The following ADAMTSL1 variants were observed in gnomAD, a reference collection of about 807,000 sequenced individuals.
ADAMTSL1 encodes ADAMTS-like protein 1.
Under a neutral mutation model 201.8 loss-of-function variants are expected in ADAMTSL1, and 126 were observed. The observed-to-expected ratio is 0.62, with a 90% CI of 0.54 to 0.72. The LOEUF (loss-of-function observed/expected upper bound fraction) is 0.72. ADAMTSL1 is among the 30% of genes least tolerant of loss of function. The pLI is 0.00. For synonymous variants in ADAMTSL1, 1,121 were observed against 903.4 expected (o/e 1.24, Z -4.32); for missense variants, 2,679 against 2,277.8 (o/e 1.18, Z -3.59).
chr9:18,575,959 G>A (rs1822694371), intron 4 of ADAMTSL1, among the ~76,000 whole-genome samples: 1 of 152,124 alleles, frequency 6.6e-6, no homozygotes, highest in East Asian at 1.9e-4. Flanking sequence ...CCTGCCAGCA[G>A]GCCTCATGGT....
chr9:18,545,783 A>C (rs532418816), intron 3 of ADAMTSL1, among the ~76,000 whole-genome samples: 1 of 152,334 alleles, frequency 6.6e-6, no homozygotes, highest in South Asian at 2.1e-4. Flanking sequence ...ATAATTTAGA[A>C]AGAAATTACT....
intron 12 of ADAMTSL1, among the ~76,000 whole-genome samples, chr9:18,683,261 G>A (rs967300671): frequency 1.4e-5 from 2 of 140,610 alleles, no homozygotes; most frequent in African/African-American, 5.2e-5. Context: ...GTCTCACTCT[G>A]TTGCCCAGGC....
At chr9:18,003,157 A>G (rs1819682033) in intron 1 of ADAMTSL1, among the ~76,000 whole-genome samples, 1 of 151,976 alleles carries the variant, frequency 6.6e-6, no homozygotes, top group African/African-American at 2.4e-5. Context: ...GGTAGCCTCT[A>G]GACCACTAGC....
intron 1 of ADAMTSL1, among the ~76,000 whole-genome samples, chr9:17,983,565 G>C (rs1818809520): frequency 6.6e-6 from 1 of 152,116 alleles, no homozygotes; most frequent in South Asian, 2.1e-4. Flanking sequence ...CTAAAGTTTT[G>C]TTAATGTGTT....
At chr9:18,329,121 T>A (rs1425274092) in intron 2 of ADAMTSL1, among the ~76,000 whole-genome samples, 1 of 152,066 alleles carries the variant, frequency 6.6e-6, no homozygotes, top group Non-Finnish European at 1.5e-5. Flanking sequence ...ATGAATGGGA[T>A]TAGTGCCCTT....
At chr9:17,949,503 G>C (rs1017034020) in intron 1 of ADAMTSL1, among the ~76,000 whole-genome samples, 1 of 152,192 alleles carries the variant, frequency 6.6e-6, no homozygotes, top group African/African-American at 2.4e-5. Context: ...GAGAGGGCTG[G>C]CTGATTGGAG....
intron 20 of ADAMTSL1, among the ~76,000 whole-genome samples, chr9:18,808,051 T>A (rs1823275746): frequency 6.6e-6 from 1 of 152,162 alleles, no homozygotes; most frequent in African/African-American, 2.4e-5. Flanking sequence ...GCCACTAAAA[T>A]AACAGCTCCA....
At chr9:18,397,268 ATAT>A (rs1395507984) in intron 2 of ADAMTSL1, among the ~76,000 whole-genome samples, 1 of 152,074 alleles carries the variant, frequency 6.6e-6, no homozygotes, top group Non-Finnish European at 1.5e-5. Flanking sequence ...TTCCCATATG[ATAT>A]TATCATCCCA....
chr9:18,377,386 A>C (rs1837345044), intron 2 of ADAMTSL1, among the ~76,000 whole-genome samples: 1 of 152,232 alleles, frequency 6.6e-6, no homozygotes. Context: ...ATTATTGTCT[A>C]CATCCAGATA....
intron 4 of ADAMTSL1, among the ~76,000 whole-genome samples, chr9:18,600,642 C>G (rs1408696211): frequency 2.0e-5 from 3 of 152,158 alleles, no homozygotes; most frequent in African/African-American, 7.2e-5. Flanking sequence ...TTCATCTCAT[C>G]TAGCTCAGGA....
At chr9:18,385,906 T>C (rs1020903945) in intron 2 of ADAMTSL1, among the ~76,000 whole-genome samples, 1 of 152,214 alleles carries the variant, frequency 6.6e-6, no homozygotes, top group African/African-American at 2.4e-5. Flanking sequence ...GAATGTCGGT[T>C]ACTCATTCTT....
At chr9:18,761,497 A>C (rs142309706) in intron 16 of ADAMTSL1, among the ~76,000 whole-genome samples, 1 of 152,144 alleles carries the variant, frequency 6.6e-6, no homozygotes. Context: ...TATTTTGCTT[A>C]TTACATATAT....
rs185006947 is a variant in ADAMTSL1 at position 18,854,367 on chromosome 9, G to C, written c.4249+24390G>C. Reference sequence around the variant, plus strand: ...TACTTTGTTCTTGAAAGGAGAAAAAGAGAAAGGTATGGTTTTCTTTGGGGC... The same window carrying C: ...TACTTTGTTCTTGAAAGGAGAAAAACAGAAAGGTATGGTTTTCTTTGGGGC... On this transcript the variant is annotated intron_variant, in intron 23 of 28. Transcript: ENST00000380548. Among the ~76,000 whole-genome samples, 8 of 152,240 alleles carry C rather than the reference G, an allele frequency of 5.3e-5. No homozygotes were observed. The East Asian group carries it at 1.5e-3, about 29-fold the overall frequency.
chr9:18,579,634 G>A (rs1272018160), intron 4 of ADAMTSL1, among the ~76,000 whole-genome samples: 2 of 151,930 alleles, frequency 1.3e-5, no homozygotes, highest in East Asian at 1.9e-4. Context: ...TTTAATATGG[G>A]TACACATACG....
In ADAMTSL1 at chr9:18,178,359, C is replaced by G. The variant is rs189176076; in HGVS notation, c.207+14378C>G. 1.0e-3 allele frequency among the ~76,000 whole-genome samples: 153 copies of G among 151,748 alleles called. 1 individual carries two copies. The highest frequency in any genetic ancestry group is 3.4e-3 in the African/African-American group (140 of 41,280). ...CGCACCAGGAGATTATATCCTGCACCTGGCTCGGAGGGTCCTACACCCATG... is the reference window on the plus strand; with the variant it reads ...CGCACCAGGAGATTATATCCTGCACGTGGCTCGGAGGGTCCTACACCCATG... On this transcript the variant is annotated intron_variant, in intron 2 of 29. Coordinates refer to the ADAMTSL1 transcript ENST00000680146.
At chr9:18,242,820 A>G (rs1173673347) in intron 2 of ADAMTSL1, among the ~76,000 whole-genome samples, 1 of 152,162 alleles carries the variant, frequency 6.6e-6, no homozygotes, top group Non-Finnish European at 1.5e-5. Context: ...CACTGAAACT[A>G]TAACATTGAT....
intron 9 of ADAMTSL1, among the ~76,000 whole-genome samples, chr9:18,671,512 T>C (rs1040430047): frequency 6.6e-6 from 1 of 152,256 alleles, no homozygotes; most frequent in Admixed American, 6.5e-5. Flanking sequence ...GTAGCCCCAG[T>C]GTACAGTGGA....
chr9:18,685,982 G>A (rs1483845720), intron 13 of ADAMTSL1, among the ~76,000 whole-genome samples: 2 of 151,642 alleles, frequency 1.3e-5, no homozygotes, highest in African/African-American at 4.8e-5. Context: ...GTAGTGGCAC[G>A]GTCATAACTC....
intron 1 of ADAMTSL1, among the ~76,000 whole-genome samples, chr9:18,129,101 T>G (rs1485270437): frequency 3.3e-5 from 5 of 152,220 alleles, no homozygotes; most frequent in African/African-American, 1.2e-4. Flanking sequence ...GTTTTATATC[T>G]ATGTCTAGTG....
Sources: allele counts gnomAD v4.1 joint callset (sites outside exome capture counted in the v4.1 genomes callset), GRCh38; gene constraint gnomAD v4.1.1; transcripts MANE v1.5; gene names NCBI Gene and HGNC (gene_info 2026-07-23, HGNC 2026-07-21).